The following PARP8 variants were observed in gnomAD, a reference collection of about 807,000 sequenced individuals.
PARP8 encodes the protein protein mono-ADP-ribosyltransferase PARP8.
In PARP8, 51 loss-of-function variants were observed where a neutral mutation model predicts 124.1. That is an observed-to-expected ratio of 0.41 (90% CI 0.33 to 0.52). The LOEUF (loss-of-function observed/expected upper bound fraction) is 0.52, where lower values mean the gene tolerates loss of function less well. Ranked by LOEUF, PARP8 falls within the 20% of genes least tolerant of loss-of-function variation. The pLI is 0.21. For missense variants in PARP8, 860 were observed against 1,018.9 expected, an observed-to-expected ratio of 0.84 and a Z score of 2.12; for synonymous variants, 391 against 361.5, an observed-to-expected ratio of 1.08 and a Z score of -0.93.
chr5:50,747,065 A>G (rs1173710522), intron 2 of PARP8, among the ~76,000 whole-genome samples: 1 of 151,792 alleles, frequency 6.6e-6, no homozygotes, highest in African/African-American at 2.4e-5. Flanking sequence ...AATTTGCTTT[A>G]TGAAATAAAA....
intron 9 of PARP8, among the ~76,000 whole-genome samples, chr5:50,785,457 T>G (rs567576542): frequency 2.0e-5 from 3 of 152,332 alleles, no homozygotes; most frequent in African/African-American, 7.2e-5. Flanking sequence ...AGATCTCTTT[T>G]GTTTCTCTGC....
At chr5:50,821,420 T>C (rs1477880437) in intron 16 of PARP8, 82 bp downstream of exon 16, 1 of 1,447,396 alleles carries the variant, frequency 6.9e-7, no homozygotes, top group African/African-American at 1.4e-5. Flanking sequence ...TCATTAGGTT[T>C]CCTCTTTCTA....
At chr5:50,763,445 A>G (rs1196662231) in intron 7 of PARP8, among the ~76,000 whole-genome samples, 9 of 152,180 alleles carry the variant, frequency 5.9e-5, no homozygotes, top group Admixed American at 3.3e-4. Flanking sequence ...CATTGATTGC[A>G]TTAAAAATTA....
At chr5:50,687,548 A>C (rs1561245198) in intron 2 of PARP8, among the ~76,000 whole-genome samples, 1 of 152,076 alleles carries the variant, frequency 6.6e-6, no homozygotes, top group African/African-American at 2.4e-5. Flanking sequence ...GTGCCAATTT[A>C]CTGTAGTAGT....
chr5:50,809,020 G>A (rs1005541344), intron 14 of PARP8, among the ~76,000 whole-genome samples: 2 of 143,760 alleles, frequency 1.4e-5, no homozygotes, highest in South Asian at 2.4e-4. Context: ...TCAAAAACAT[G>A]GTTTAAAAAA....
At position 50,839,323 on chromosome 5, in the gene PARP8, T is replaced by C. The variant is rs531183110; in HGVS notation, c.2463-2643T>C. Among the ~76,000 whole-genome samples, 7 of 152,108 alleles carry C rather than the reference T, an allele frequency of 4.6e-5. No individual in the cohort carries two copies. The East Asian group carries it at 1.4e-3, about 30-fold the overall frequency. Reference sequence around the variant, plus strand: ...GTCCAATGTATCATCTCCCTAGTGGTTATCATTCATGTTCTATTTCTCTTA... The same window carrying C: ...GTCCAATGTATCATCTCCCTAGTGGCTATCATTCATGTTCTATTTCTCTTA... On this transcript the variant is annotated intron_variant, in intron 25 of 25. Coordinates refer to ENST00000281631, the MANE Select transcript of PARP8 (RefSeq NM_024615.4).
rs1748597037 is a variant in PARP8, at chr5:50,846,164, G to A, written c.*4096G>A. ...ATCTTCGATCTGCCCAATATTTAAT[G>A]TATCATTTGAGATTTTTAAAAATGC... On this transcript the variant is annotated 3_prime_UTR_variant, in exon 26 of 26. Coordinates refer to ENST00000281631, the MANE Select transcript of PARP8 (RefSeq NM_024615.4). The A allele has an allele frequency of 1.3e-5, 2 of 151,674 alleles. No individual in the cohort carries two copies. The highest frequency in any genetic ancestry group is 4.8e-5 in the African/African-American group (2 of 41,364). 9.4% of individuals were successfully genotyped at this position (151,674 alleles called of 1,614,324 possible). A position where few individuals can be genotyped will look rare whatever the true frequency, so the allele number is the denominator to read the frequency against.
intron 14 of PARP8, among the ~76,000 whole-genome samples, chr5:50,799,281 T>G (rs1742922938): frequency 6.6e-6 from 1 of 152,240 alleles, no homozygotes; most frequent in South Asian, 2.1e-4. Flanking sequence ...TTCTTTTGCA[T>G]GTAGATACCC....
At chr5:50,824,743 C>G (rs1240833461) in intron 17 of PARP8, among the ~76,000 whole-genome samples, 165 bp from the exon 18 acceptor site, 1 of 152,026 alleles carries the variant, frequency 6.6e-6, no homozygotes, top group Admixed American at 6.6e-5. Flanking sequence ...CAATTCCCAT[C>G]ATCTTGGGAG....
chr5:50,673,366 A>G, intron 2 of PARP8, among the ~76,000 whole-genome samples: 1 of 152,202 alleles, frequency 6.6e-6, no homozygotes, highest in East Asian at 1.9e-4. Flanking sequence ...GTTTTTTTGT[A>G]TTAAAATTTA....
chr5:50,739,702 G>A (rs2149531488), intron 2 of PARP8, among the ~76,000 whole-genome samples: 1 of 134,772 alleles, frequency 7.4e-6, no homozygotes, highest in East Asian at 2.1e-4. Flanking sequence ...AGATCAATGG[G>A]TATATACATA....
intron 14 of PARP8, among the ~76,000 whole-genome samples, chr5:50,806,723 A>C (rs139133022): frequency 6.6e-6 from 1 of 152,104 alleles, no homozygotes; most frequent in East Asian, 1.9e-4. Context: ...AGGAAGAACT[A>C]TCTCTTGGTT....
chr5:50,701,791 GT>G (rs1753624435), intron 2 of PARP8, among the ~76,000 whole-genome samples: 1 of 152,110 alleles, frequency 6.6e-6, no homozygotes, highest in African/African-American at 2.4e-5. Context: ...TACCTGCTGA[GT>G]TTTTTGTTGT....
At chr5:50,791,921 G>A (rs1466457796) in intron 10 of PARP8, among the ~76,000 whole-genome samples, 1 of 152,112 alleles carries the variant, frequency 6.6e-6, no homozygotes, top group Admixed American at 6.5e-5. Context: ...CTTGGTTTAT[G>A]ATATTATTTT....
chr5:50,813,044 T>C (rs554677195), intron 14 of PARP8, among the ~76,000 whole-genome samples: 2 of 152,322 alleles, frequency 1.3e-5, no homozygotes, highest in South Asian at 2.1e-4. Context: ...TCCAGCTTGT[T>C]CTTTTAGCTT....
At chr5:50,835,465 A>G (rs1313540019) in intron 25 of PARP8, among the ~76,000 whole-genome samples, 1 of 152,106 alleles carries the variant, frequency 6.6e-6, no homozygotes. Flanking sequence ...GCTTGAACCC[A>G]AGAGGTGGAG....
chr5:50,815,614 G>A, intron 15 of PARP8, 90 bp downstream of exon 15: 1 of 865,700 alleles, frequency 1.2e-6, no homozygotes, highest in Non-Finnish European at 1.7e-6. Flanking sequence ...ATTCTTTGGG[G>A]AAAATATTTG....
intron 2 of PARP8, among the ~76,000 whole-genome samples, chr5:50,746,659 C>G (rs1219683278): frequency 6.6e-6 from 1 of 152,130 alleles, no homozygotes; most frequent in Non-Finnish European, 1.5e-5. Flanking sequence ...GGTGTTACCT[C>G]TGATATATAT....
chr5:50,795,558 T>G, intron 12 of PARP8, 141 bp downstream of exon 12: 1 of 676,618 alleles, frequency 1.5e-6, no homozygotes, highest in African/African-American at 1.8e-5. Context: ...TTGGATATTG[T>G]TTTGCATCCC....
Sources: allele counts gnomAD v4.1 joint callset (sites outside exome capture counted in the v4.1 genomes callset), GRCh38; gene constraint gnomAD v4.1.1; transcripts MANE v1.5; gene names NCBI Gene and HGNC (gene_info 2026-07-23, HGNC 2026-07-21).